The following MBTPS1 variants were observed in gnomAD, a reference collection of about 807,000 sequenced individuals.
MBTPS1 encodes the protein membrane-bound transcription factor site-1 protease.
Under a neutral mutation model 127.8 loss-of-function variants are expected in MBTPS1, and 94 were observed. The observed-to-expected ratio is 0.74, with a 90% CI of 0.62 to 0.87. The LOEUF (loss-of-function observed/expected upper bound fraction) is 0.87. MBTPS1 is among the 40% of genes least tolerant of loss of function. MBTPS1 has a pLI of 0.00. For missense variants in MBTPS1, 1,636 were observed against 1,353.2 expected (o/e 1.21, Z -3.28); for synonymous variants, 632 against 509.4 (o/e 1.24, Z -3.24).
chr16:84,112,873 G>A (rs1208367975), intron 1 of MBTPS1, among the ~76,000 whole-genome samples: 3 of 149,746 alleles, frequency 2.0e-5, no homozygotes, highest in Admixed American at 6.7e-5. Flanking sequence ...TACTCAGGAG[G>A]TTGAGGTGGG....
Position 84,087,489 on chromosome 16 carries a change from G to GA in MBTPS1, c.1032-30dup, listed in dbSNP as rs752638523. ...TATTGAGACCAAAAAAAAAAAAAAA[G>GA]AAAAGAAAAAGAAAAAAACAAGAGA... On this transcript the variant is annotated intron_variant, in intron 8 of 22. Transcript: ENST00000343411. 4.4e-6 allele frequency: 5 copies of GA among 1,147,678 alleles called. No homozygotes were observed. The South Asian group carries it at 6.9e-5, about 16-fold the overall frequency. The allele number at this position is 1,147,678 out of a possible 1,614,324, so 71.1% of individuals were successfully genotyped here. A position where few individuals can be genotyped will look rare whatever the true frequency, so the allele number is the denominator to read the frequency against.
At chr16:84,061,059 C>T (rs1012337071) in intron 19 of MBTPS1, 2 of 288,810 alleles carry the variant, frequency 6.9e-6, no homozygotes, top group Non-Finnish European at 1.3e-5. Context: ...CTCAAGTGAT[C>T]TTCTTGCCTC....
rs957952325 is a variant in MBTPS1 at position 84,116,798 on chromosome 16, C to T, written c.-388G>A. 6.6e-6 allele frequency: 1 copy of T among 152,174 alleles called. No homozygotes were observed. The highest frequency in any genetic ancestry group is 1.5e-5 in the Non-Finnish European group (1 of 68,038). The allele number at this position is 152,174 out of a possible 1,614,324, so 9.4% of individuals were successfully genotyped here. ...AACGGCGCCTCCGCGGCGAACACGC[C>T]TGGGCACTCCATTCGGGGCTGTTTA... On this transcript the variant is annotated 5_prime_UTR_variant, in exon 1 of 23. Transcript: ENST00000343411.
Position 84,068,490 on chromosome 16 carries a change from A to G in MBTPS1, c.1956-36T>C, listed in dbSNP as rs370460203. 35 of 1,420,866 alleles carry G rather than the reference A, an allele frequency of 2.5e-5. No homozygotes were observed. The African/African-American group carries it at 3.8e-4, about 15-fold the overall frequency. 88.0% of individuals were successfully genotyped at this position (1,420,866 alleles called of 1,614,324 possible). On this transcript the variant is annotated intron_variant, in intron 14 of 22. Transcript: ENST00000343411. ...ATAGGCCACAGCATTAAAATGATCG[A>G]TCTTTACTGGCAATAAAGGCATATC...
At chr16:84,081,972 A>T in intron 10 of MBTPS1, 64 bp from the exon 11 acceptor site, 1 of 1,240,832 alleles carries the variant, frequency 8.1e-7, no homozygotes, top group Non-Finnish European at 1.1e-6. Flanking sequence ...GGACCACTAA[A>T]ACCTAACCTA....
rs115624015 is a variant in MBTPS1, at chr16:84,077,300, C to T, written c.1449-2559G>A. Among the ~76,000 whole-genome samples the T allele has an allele frequency of 4.1e-3, 574 of 141,656 alleles. 4 individuals carry two copies. Among genetic ancestry groups the T allele is most frequent in the African/African-American group, 0.014 (537 of 38,570 alleles). The allele number at this position is 141,656 out of a possible 152,430, so 92.9% of individuals were successfully genotyped here. A position where few individuals can be genotyped will look rare whatever the true frequency, so the allele number is the denominator to read the frequency against. On this transcript the variant is annotated intron_variant, in intron 11 of 22. Transcript: ENST00000343411. ...AAGAAAAGAATACCCAAGAAAACAA[C>T]GAAAAAAAAAATTACAAGGGGAACT...
chr16:84,070,035 T>C lies in MBTPS1; in HGVS notation c.1786A>G (p.Lys596Glu), dbSNP rs2085747763. ...TVASPAETESKNGAEQTSTVK... is the reference protein window; with the variant it reads ...TVASPAETESENGAEQTSTVK... Reference sequence around the variant, plus strand: ...GTTGAAGTCTGTTCTGCACCATTTTTTGACTAAAAAAAAAGAAAAGAAACT... The same window carrying C: ...GTTGAAGTCTGTTCTGCACCATTTTCTGACTAAAAAAAAAGAAAAGAAACT... Residue 596 changes from lysine to glutamate, a missense_variant, in exon 14 of 23, where the codon AAA (lysine) becomes GAA (glutamate). Physicochemically the swap from Lys to Glu is moderately conservative, Grantham distance 56. Coordinates refer to ENST00000343411, the MANE Select transcript of MBTPS1 (RefSeq NM_003791.4). 7 of 1,556,974 alleles carry C rather than the reference T, an allele frequency of 4.5e-6. No homozygotes were observed. The South Asian group carries it at 6.1e-5, about 14-fold the overall frequency.
At chr16:84,093,432 C>T (rs1231837397) in intron 5 of MBTPS1, 135 bp from the exon 6 acceptor site, 7 of 684,168 alleles carry the variant, frequency 1.0e-5, no homozygotes, top group African/African-American at 5.3e-5. Flanking sequence ...TGCTGCTCTA[C>T]GATCCCCTTA....
intron 2 of MBTPS1, among the ~76,000 whole-genome samples, chr16:84,100,177 C>T (rs750803089): frequency 5.3e-5 from 8 of 152,080 alleles, no homozygotes; most frequent in South Asian, 2.1e-4. Context: ...TCTGGGAGGT[C>T]GAAGTGGATG....
chr16:84,088,304 G>C (rs2086058851), intron 8 of MBTPS1, among the ~76,000 whole-genome samples: 1 of 152,124 alleles, frequency 6.6e-6, no homozygotes, highest in Non-Finnish European at 1.5e-5. Context: ...CTTCTAGAGT[G>C]TGTTTTTAAC....
chr16:84,109,257 T>C (rs1169913430), intron 1 of MBTPS1, among the ~76,000 whole-genome samples: 1 of 152,182 alleles, frequency 6.6e-6, no homozygotes. Flanking sequence ...GGAAGCCAGT[T>C]TGGTGGGGCC....
intron 3 of MBTPS1, among the ~76,000 whole-genome samples, chr16:84,098,654 T>C (rs979228602): frequency 4.0e-5 from 6 of 151,818 alleles, no homozygotes; most frequent in South Asian, 2.1e-4. Context: ...AAACACACAC[T>C]GAGAGAAGCG....
intron 12 of MBTPS1, among the ~76,000 whole-genome samples, 176 bp from the exon 13 acceptor site, chr16:84,070,952 C>T (rs1032766789): frequency 1.1e-4 from 17 of 152,222 alleles, no homozygotes; most frequent in African/African-American, 4.1e-4. Context: ...AGCCTATGGA[C>T]TGCCTCGGAC....
chr16:84,098,478 C>G (rs896825674), intron 3 of MBTPS1, among the ~76,000 whole-genome samples: 1 of 152,038 alleles, frequency 6.6e-6, no homozygotes, highest in African/African-American at 2.4e-5. Context: ...GGCATGGTGG[C>G]GCATGCCTGT....
At chr16:84,084,282 C>T (rs2085986119) in intron 10 of MBTPS1, among the ~76,000 whole-genome samples, 1 of 152,212 alleles carries the variant, frequency 6.6e-6, no homozygotes, top group South Asian at 2.1e-4. Flanking sequence ...CTTCCAGTTT[C>T]ATTATCTGCA....
In MBTPS1 at chr16:84,066,629, C is replaced by T. The variant is rs2085687272; in HGVS notation, c.2229-16G>A. On this transcript the variant is annotated splice_polypyrimidine_tract_variant and intron_variant, in intron 16 of 22. Transcript: ENST00000343411. ...CCACCACTGCCTGGGAAAGTGGTAACAGACACACAGGGAACAGGGAATGAA... is the reference window on the plus strand; with the variant it reads ...CCACCACTGCCTGGGAAAGTGGTAATAGACACACAGGGAACAGGGAATGAA... 6.2e-7 allele frequency: 1 copy of T among 1,613,204 alleles called. No individual in the cohort carries two copies. The highest frequency in any genetic ancestry group is 8.5e-7 in the Non-Finnish European group (1 of 1,179,624).
chr16:84,067,866 T>G, intron 15 of MBTPS1, 43 bp from the exon 16 acceptor site: 1 of 1,580,468 alleles, frequency 6.3e-7, no homozygotes, highest in Non-Finnish European at 8.7e-7. Context: ...CACTTCTGAA[T>G]GACAGGACAC....
intron 11 of MBTPS1, among the ~76,000 whole-genome samples, chr16:84,080,926 T>A (rs2085931305): frequency 6.6e-6 from 1 of 152,152 alleles, no homozygotes; most frequent in African/African-American, 2.4e-5. Context: ...AATCAAATGA[T>A]GAAAATGAAT....
intron 1 of MBTPS1, among the ~76,000 whole-genome samples, chr16:84,111,400 T>C (rs1458773966): frequency 6.6e-6 from 1 of 151,378 alleles, no homozygotes; most frequent in Non-Finnish European, 1.5e-5. Flanking sequence ...ATTAGCTAGG[T>C]AATGGTGGTG....
Sources: gnomAD v4.1 joint callset for allele counts (sites outside exome capture counted in the v4.1 genomes callset) on GRCh38, gnomAD v4.1.1 for gene constraint, MANE v1.5 for transcripts, NCBI Gene and HGNC (gene_info 2026-07-23, HGNC 2026-07-21) for gene names.